Variants in RCAN2 observed in about 807,000 individuals in gnomAD.
RCAN2 encodes the protein regulator of calcineurin 2, also known as calcipressin-2.
RCAN2 carries 9 observed loss-of-function variants against 23.6 expected under a neutral mutation model. The ratio of observed to expected loss-of-function variants is 0.38; its 90% confidence interval spans 0.23 to 0.67. The LOEUF (loss-of-function observed/expected upper bound fraction) is 0.67. Ranked by LOEUF, RCAN2 falls within the 30% of genes least tolerant of loss-of-function variation. The probability of loss-of-function intolerance (pLI) is 0.51; values close to 1 mark genes in which losing one functional copy is unlikely to be tolerated. For synonymous variants in RCAN2, 109 were observed against 115.7 expected, an observed-to-expected ratio of 0.94 and a Z score of 0.37; for missense variants, 273 against 302.3, an observed-to-expected ratio of 0.90 and a Z score of 0.72.
At chr6:46,314,691 A>G (rs1274125638) in intron 2 of RCAN2, among the ~76,000 whole-genome samples, 1 of 152,182 alleles carries the variant, frequency 6.6e-6, no homozygotes, top group African/African-American at 2.4e-5. Flanking sequence ...CTGCCCAAAG[A>G]AAGGTGTTTA....
chr6:46,354,897 ATGTG>A (rs6149559), intron 2 of RCAN2, among the ~76,000 whole-genome samples: 9,583 of 144,460 alleles, frequency 0.066, 333 homozygotes, highest in African/African-American at 0.11. Flanking sequence ...AAGATTATAT[ATGTG>A]TGTGTGTGTG....
intron 2 of RCAN2, among the ~76,000 whole-genome samples, chr6:46,382,971 C>T (rs562965795): frequency 2.0e-5 from 3 of 152,128 alleles, no homozygotes; most frequent in Non-Finnish European, 4.4e-5. Flanking sequence ...ACCTATTATA[C>T]ACAATATTTG....
intron 2 of RCAN2, among the ~76,000 whole-genome samples, chr6:46,447,033 AG>A (rs2150426251): frequency 6.6e-6 from 1 of 152,232 alleles, no homozygotes; most frequent in Non-Finnish European, 1.5e-5. Context: ...TCCAATCAAA[AG>A]ACAAGAATGA....
chr6:46,246,807 T>C lies in RCAN2; in HGVS notation c.512A>G (p.Asn171Ser), dbSNP rs201378585. ...ATAGTTGAGGACTGGCGTGGCATCG[T>C]TGATGGGCTGCCAGCCAACAGGTGG... ...SSPPVGWQPI[N>S]DATPVLNYDL... The change falls in exon 4 of 5, where the codon AAC becomes AGC. Residue 171 changes from asparagine (N) to serine (S), a missense_variant. By Grantham distance (46) the Asn-to-Ser change is conservative. Transcript: ENST00000371374. 5.6e-6 allele frequency: 9 copies of C among 1,613,634 alleles called. No individual in the cohort carries two copies. The highest frequency in any genetic ancestry group is 1.1e-5 in the South Asian group (1 of 91,060).
chr6:46,470,954 C>T (rs571785719), intron 1 of RCAN2, among the ~76,000 whole-genome samples: 1 of 152,312 alleles, frequency 6.6e-6, no homozygotes. Flanking sequence ...CCAGAAGGCA[C>T]AGATACCCTT....
chr6:46,457,991 C>T (rs369169711), intron 1 of RCAN2, among the ~76,000 whole-genome samples: 15 of 152,210 alleles, frequency 9.9e-5, no homozygotes, highest in South Asian at 2.1e-4. Flanking sequence ...TCTTTTGTAC[C>T]GATTTTCATG....
intron 4 of RCAN2, among the ~76,000 whole-genome samples, chr6:46,231,632 A>T (rs962672716): frequency 3.0e-4 from 46 of 151,788 alleles, no homozygotes; most frequent in Admixed American, 3.0e-3. Context: ...CTGGTCTCGA[A>T]CTCCTGATCT....
chr6:46,413,863 G>A (rs905971255), intron 2 of RCAN2, among the ~76,000 whole-genome samples: 2 of 152,174 alleles, frequency 1.3e-5, no homozygotes, highest in Non-Finnish European at 2.9e-5. Context: ...TAATATCGTC[G>A]GTGGGATGGA....
At chr6:46,352,303 A>G (rs951778139) in intron 2 of RCAN2, among the ~76,000 whole-genome samples, 2 of 152,210 alleles carry the variant, frequency 1.3e-5, no homozygotes, top group African/African-American at 4.8e-5. Flanking sequence ...CAGCTAATTA[A>G]GTAAGAAAAT....
At chr6:46,259,784 ACCT>A (rs1767049024) in intron 2 of RCAN2, among the ~76,000 whole-genome samples, 1 of 152,144 alleles carries the variant, frequency 6.6e-6, no homozygotes, top group Admixed American at 6.5e-5. Context: ...AGTTCCCACA[ACCT>A]CCTCCTCAGG....
At chr6:46,292,550 T>C (rs1404691479) in intron 2 of RCAN2, among the ~76,000 whole-genome samples, 1 of 151,646 alleles carries the variant, frequency 6.6e-6, no homozygotes, top group Non-Finnish European at 1.5e-5. Context: ...TCAAATGATC[T>C]GCTGAGATTA....
chr6:46,386,602 C>CT (rs1290538979), intron 2 of RCAN2, among the ~76,000 whole-genome samples: 2 of 100,880 alleles, frequency 2.0e-5, no homozygotes, highest in African/African-American at 6.3e-5. Flanking sequence ...GAGCAAAACT[C>CT]TGTCTCACAA....
In RCAN2 at chr6:46,355,865, T is replaced by C. The variant is rs1217601590; in HGVS notation, c.225+100887A>G. On this transcript the variant is annotated intron_variant, in intron 2 of 4. Transcript: ENST00000371374. ...CTGCTTGAAAATCGAAGTGAGGAAA[T>C]AATGGGGATATTTCCAGGCCTGGCC... 2.6e-5 allele frequency among the ~76,000 whole-genome samples: 4 copies of C among 152,188 alleles called. No homozygotes were observed. The East Asian group carries it at 7.7e-4, about 29-fold the overall frequency.
chr6:46,359,771 A>G (rs1283410344), intron 2 of RCAN2, among the ~76,000 whole-genome samples: 31 of 152,226 alleles, frequency 2.0e-4, no homozygotes, highest in Admixed American at 2.0e-3. Context: ...AGCATCAGCT[A>G]TCAATGAATA....
intron 1 of RCAN2, among the ~76,000 whole-genome samples, chr6:46,489,344 G>T (rs1769076183): frequency 6.6e-6 from 1 of 152,130 alleles, no homozygotes; most frequent in African/African-American, 2.4e-5. Flanking sequence ...CTCCTTTTCT[G>T]CTAAATTGAT....
At chr6:46,490,957 C>A (rs1428114732) in intron 1 of RCAN2, among the ~76,000 whole-genome samples, 2 of 151,762 alleles carry the variant, frequency 1.3e-5, no homozygotes, top group Non-Finnish European at 2.9e-5. Context: ...CGGCCGCAGC[C>A]GGGACTGACC....
intron 2 of RCAN2, among the ~76,000 whole-genome samples, chr6:46,350,727 A>C (rs1476254752): frequency 2.0e-5 from 3 of 152,212 alleles, no homozygotes; most frequent in Non-Finnish European, 4.4e-5. Flanking sequence ...GTACTTTGAA[A>C]TCAGCAGATG....
intron 2 of RCAN2, among the ~76,000 whole-genome samples, chr6:46,424,779 G>A (rs1766988915): frequency 6.6e-6 from 1 of 152,016 alleles, no homozygotes; most frequent in Admixed American, 6.6e-5. Flanking sequence ...GGGATTCTGG[G>A]AATACTATAG....
rs370719750 is a variant in RCAN2 at position 46,414,692 on chromosome 6, C to T, written c.225+42060G>A. Among the ~76,000 whole-genome samples the T allele has an allele frequency of 4.6e-5, 7 of 152,316 alleles. No homozygotes were observed. The East Asian group carries it at 1.2e-3, about 25-fold the overall frequency. On this transcript the variant is annotated intron_variant, in intron 2 of 4. Transcript: ENST00000371374. ...ATTCTGCCAGCAGGCTGCCTCTGGACTAGAACTGCAGCTCTTCTCTAGGTC... is the reference window on the plus strand; with the variant it reads ...ATTCTGCCAGCAGGCTGCCTCTGGATTAGAACTGCAGCTCTTCTCTAGGTC...
Sources: allele counts gnomAD v4.1 joint callset (sites outside exome capture counted in the v4.1 genomes callset), GRCh38; gene constraint gnomAD v4.1.1; transcripts MANE v1.5; gene names NCBI Gene and HGNC (gene_info 2026-07-23, HGNC 2026-07-21).